The following SLC29A4 variants were observed in gnomAD, a reference collection of about 807,000 sequenced individuals.
SLC29A4 encodes solute carrier family 29 member 4, also known as equilibrative nucleoside transporter 4.
SLC29A4 carries 36 observed loss-of-function variants against 43.9 expected under a neutral mutation model. The ratio of observed to expected loss-of-function variants is 0.82; its 90% confidence interval spans 0.63 to 1.08. SLC29A4 has a LOEUF of 1.08. Among genes scored for constraint, SLC29A4 ranks in the 50% least tolerant of loss-of-function variants. The pLI, the probability that SLC29A4 is intolerant of heterozygous loss-of-function variation, is 0.00. For missense variants in SLC29A4, 869 were observed against 755.3 expected (o/e 1.15, Z -1.77); for synonymous variants, 491 against 338.0 (o/e 1.45, Z -4.97).
In SLC29A4 at chr7:5,305,533, C is replaced by T. The variant is rs564810935; in HGVS notation, c.*2594C>T. The T allele has an allele frequency of 1.2e-4, 18 of 148,404 alleles. No homozygotes were observed. Among genetic ancestry groups the T allele is most frequent in the African/African-American group, 4.5e-4 (18 of 40,390 alleles). The allele number at this position is 148,404 out of a possible 1,614,324, so 9.2% of individuals were successfully genotyped here. On this transcript the variant is annotated 3_prime_UTR_variant, in exon 11 of 11. Coordinates refer to ENST00000396872, the MANE Select transcript of SLC29A4 (RefSeq NM_153247.4). ...TCTTCTAGTATCATTTTGTGGTAGG[C>T]ATGGCTGGAAATGTGCAGCTTTGCT...
intron 2 of SLC29A4, 131 bp from the exon 3 acceptor site, chr7:5,290,600 AG>A (rs1785240706): frequency 8.2e-7 from 1 of 1,221,982 alleles, no homozygotes; most frequent in African/African-American, 1.5e-5. Context: ...TATCTGGAAC[AG>A]AGGGGAGCAG....
At chr7:5,302,679 G>C in intron 10 of SLC29A4, 118 bp from the exon 11 acceptor site, 1 of 992,236 alleles carries the variant, frequency 1.0e-6, no homozygotes, top group Non-Finnish European at 1.5e-6. Context: ...CGATGGGGCA[G>C]CGGGTCCTGG....
chr7:5,303,831 G>C lies in SLC29A4; in HGVS notation c.*892G>C, dbSNP rs3801042. 0.91 allele frequency: 138,751 copies of C among 152,260 alleles called. 63,378 individuals are homozygous for C. The highest frequency in any genetic ancestry group is 0.98 in the African/African-American group (40,615 of 41,570). The allele number at this position is 152,260 out of a possible 1,614,324, so 9.4% of individuals were successfully genotyped here. ...GAACGTAGGGAGGGGCTGGGGGTCA[G>C]TCCAGCCCGGGCCTCCCAGAACACC... On this transcript the variant is annotated 3_prime_UTR_variant, in exon 11 of 11. Coordinates refer to ENST00000396872, the MANE Select transcript of SLC29A4 (RefSeq NM_153247.4).
At chr7:5,285,554 G>T (rs1213977728) in intron 1 of SLC29A4, among the ~76,000 whole-genome samples, 1 of 152,248 alleles carries the variant, frequency 6.6e-6, no homozygotes, top group Non-Finnish European at 1.5e-5. Context: ...TCTGTAGTGA[G>T]CTAGAAGAGG....
In SLC29A4 at chr7:5,299,082, A is replaced by G; in HGVS notation, c.977A>G (p.Asp326Gly). The part of the protein sequence containing the change: ...TGSGGAYMRF[D>G]VPRPRVQRSW... ...AGCGGCGGGGCCTACATGCGCTTTG[A>G]TGTGCCGCGGCCAAGGGTCCAGCGC... The change falls in exon 8 of 11, where the codon GAT (aspartate) becomes GGT (glycine). Residue 326 changes from aspartate to glycine, a missense_variant. Coordinates refer to ENST00000396872, the MANE Select transcript of SLC29A4 (RefSeq NM_153247.4). 1.2e-6 allele frequency: 2 copies of G among 1,610,860 alleles called. No homozygotes were observed. The highest frequency in any genetic ancestry group is 1.7e-6 in the Non-Finnish European group (2 of 1,179,470).
At position 5,287,826 on chromosome 7, in the gene SLC29A4, G is replaced by C; in HGVS notation, c.10G>C (p.Val4Leu). Residue 4 changes from valine to leucine, a missense_variant, in exon 2 of 11, where the codon GTG (valine) becomes CTG (leucine). Val to Leu is a conservative substitution (Grantham distance 32). Transcript: ENST00000396872. ...CAAAGCAGAGGCTGCCATGGGCTCC[G>C]TGGGGAGCCAGCGCCTTGAGGAGCC... MGS[V>L]GSQRLEEPSV... is the part of the protein sequence containing the mutation. 4 of 1,611,236 alleles carry C rather than the reference G, an allele frequency of 2.5e-6. No homozygotes were observed. The highest frequency in any genetic ancestry group is 3.4e-6 in the Non-Finnish European group (4 of 1,179,686).
intron 1 of SLC29A4, 152 bp from the exon 2 acceptor site, chr7:5,287,657 C>T (rs967739782): frequency 2.7e-6 from 2 of 727,488 alleles, no homozygotes; most frequent in Non-Finnish European, 4.4e-6. Flanking sequence ...ACTTTCCTGG[C>T]TCCTTTGCAG....
intron 2 of SLC29A4, among the ~76,000 whole-genome samples, chr7:5,289,132 C>T (rs1785149599): frequency 6.6e-6 from 1 of 152,182 alleles, no homozygotes; most frequent in South Asian, 2.1e-4. Context: ...CACGGTGGCT[C>T]ATGCCTATAA....
chr7:5,288,534 C>T (rs1490220851), intron 2 of SLC29A4, among the ~76,000 whole-genome samples: 3 of 151,780 alleles, frequency 2.0e-5, no homozygotes, highest in South Asian at 2.1e-4. Context: ...CCTCATGATC[C>T]GCCCGCCTCG....
rs1213343938 is a variant in SLC29A4 at position 5,303,325 on chromosome 7, C to T, written c.*386C>T. 1.0e-5 allele frequency: 3 copies of T among 291,514 alleles called. No homozygotes were observed. Among genetic ancestry groups the T allele is most frequent in the Non-Finnish European group, 1.3e-5 (2 of 153,932 alleles). The allele number at this position is 291,514 out of a possible 1,614,324, so 18.1% of individuals were successfully genotyped here. A position where few individuals can be genotyped will look rare whatever the true frequency, so the allele number is the denominator to read the frequency against. ...TGCGCGCCCAGTGACTGCACCCCGG[C>T]CCTCATCACCCACCGGCACTGATCG... On this transcript the variant is annotated 3_prime_UTR_variant, in exon 11 of 11. Transcript: ENST00000396872.
chr7:5,288,942 C>A (rs142095764), intron 2 of SLC29A4, among the ~76,000 whole-genome samples: 1 of 152,124 alleles, frequency 6.6e-6, no homozygotes, highest in African/African-American at 2.4e-5. Context: ...CTGTGACCCT[C>A]GGTGTCTTCT....
At chr7:5,289,556 C>T (rs764672242) in intron 2 of SLC29A4, among the ~76,000 whole-genome samples, 2 of 152,066 alleles carry the variant, frequency 1.3e-5, no homozygotes, top group Non-Finnish European at 2.9e-5. Flanking sequence ...GTCAGACCCA[C>T]CCAGGGTAAT....
At position 5,300,618 on chromosome 7, in the gene SLC29A4, T is replaced by C. The variant is rs1263955923; in HGVS notation, c.1406T>C (p.Ile469Thr). Residue 469 changes from isoleucine to threonine, a missense_variant, in exon 10 of 11, where the codon ATC becomes ACC. Physicochemically the swap from Ile to Thr is moderately conservative, Grantham distance 89. Transcript: ENST00000396872. ...GGCTACTTCGGCAGCGTGCCCATGATCCTGGCGGCAGGCAAAGTGAGCCCC... is the reference window on the plus strand; with the variant it reads ...GGCTACTTCGGCAGCGTGCCCATGACCCTGGCGGCAGGCAAAGTGAGCCCC... ...SNGYFGSVPMILAAGKVSPKQ... is the reference protein window; with the variant it reads ...SNGYFGSVPMTLAAGKVSPKQ... 2 of 1,610,240 alleles carry C rather than the reference T, an allele frequency of 1.2e-6. No homozygotes were observed. Among genetic ancestry groups the C allele is most frequent in the Non-Finnish European group, 1.7e-6 (2 of 1,178,722 alleles).
In SLC29A4 at chr7:5,291,059, C is replaced by A. The variant is rs533237982; in HGVS notation, c.302-65C>A. Reference sequence around the variant, plus strand: ...AGCGAGCCCCTTCTGGGAGGTCTCACCTGGCAGGAGTCAGTGCAGGGGGTG... The same window carrying A: ...AGCGAGCCCCTTCTGGGAGGTCTCAACTGGCAGGAGTCAGTGCAGGGGGTG... On this transcript the variant is annotated intron_variant, in intron 3 of 10. Transcript: ENST00000396872. 1.5e-5 allele frequency: 23 copies of A among 1,585,262 alleles called. No individual in the cohort carries two copies. The East Asian group carries it at 4.9e-4, about 34-fold the overall frequency.
chr7:5,297,129 C>T lies in SLC29A4; in HGVS notation c.813C>T (p.Gly271=), dbSNP rs1325358568. Residue 271 remains glycine (G), a synonymous_variant, in exon 7 of 11, where the codon GGC becomes GGT. Transcript: ENST00000396872. The stretch of plus-strand genomic sequence containing the variant: ...CACGGCCGCGTGACAGCCACCGGGG[C>T]AGGCCAGGCCTGGGCAGGGGCTATG... The part of the protein sequence containing the change: ...YTTRPRDSHR[G]RPGLGRGYGY... The T allele has an allele frequency of 1.2e-6, 2 of 1,606,030 alleles. No homozygotes were observed. Among genetic ancestry groups the T allele is most frequent in the Non-Finnish European group, 1.7e-6 (2 of 1,179,542 alleles).
chr7:5,295,825 C>G (rs1459186427), intron 6 of SLC29A4, among the ~76,000 whole-genome samples: 2 of 146,906 alleles, frequency 1.4e-5, no homozygotes, highest in Non-Finnish European at 3.0e-5. Context: ...GTGGTGTGGC[C>G]GAGCGAGAGA....
intron 1 of SLC29A4, among the ~76,000 whole-genome samples, chr7:5,283,415 C>T (rs1000554383): frequency 2.0e-5 from 3 of 152,034 alleles, no homozygotes; most frequent in African/African-American, 7.2e-5. Context: ...CCTGCCCCCG[C>T]CGGCCCCTTC....
intron 5 of SLC29A4, among the ~76,000 whole-genome samples, chr7:5,292,988 C>T (rs1044870028): frequency 5.6e-4 from 83 of 149,168 alleles, no homozygotes; most frequent in Admixed American, 8.7e-4. Context: ...CGTGAGCCAC[C>T]GCACCCCGCC....
At chr7:5,292,349 A>C (rs1462892707) in intron 5 of SLC29A4, among the ~76,000 whole-genome samples, 2 of 152,120 alleles carry the variant, frequency 1.3e-5, no homozygotes, top group Admixed American at 1.3e-4. Context: ...CTTAGCCCCA[A>C]GCAATCCTCC....
Sources: allele counts gnomAD v4.1 joint callset (sites outside exome capture counted in the v4.1 genomes callset), GRCh38; gene constraint gnomAD v4.1.1; transcripts MANE v1.5; gene names NCBI Gene and HGNC (gene_info 2026-07-23, HGNC 2026-07-21).